Variants in TMUB1 observed in about 807,000 individuals in gnomAD.
The protein encoded by TMUB1 is transmembrane and ubiquitin-like domain-containing protein 1.
A neutral mutation model predicts 16.2 loss-of-function variants in TMUB1; 9 were observed. That is an observed-to-expected ratio of 0.55 (90% confidence interval 0.33 to 0.97). TMUB1 has a LOEUF of 0.97. TMUB1 is among the 50% of genes least tolerant of loss of function. TMUB1 has a pLI of 0.03. For missense variants in TMUB1, 309 were observed against 313.5 expected, an observed-to-expected ratio of 0.99 and a Z score of 0.11; for synonymous variants, 155 against 152.2, an observed-to-expected ratio of 1.02 and a Z score of -0.13.
rs9097 is a variant in TMUB1 at position 151,081,337 on chromosome 7, G to T, written c.*212C>A. ...AGCCCACTCCCAGTGCGGGCTGAGGGTCAGCAGCCCCGGGAGGTGGCCCCG... is the reference window on the plus strand; with the variant it reads ...AGCCCACTCCCAGTGCGGGCTGAGGTTCAGCAGCCCCGGGAGGTGGCCCCG... On this transcript the variant is annotated 3_prime_UTR_variant, in exon 3 of 3. Transcript: ENST00000297533. The surrounding 1 kb of genome is among the most constrained non-coding windows in gnomAD (Gnocchi z 7.6). 0.49 allele frequency: 429,959 copies of T among 870,564 alleles called. 107,794 individuals carry two copies. Among genetic ancestry groups the T allele is most frequent in the African/African-American group, 0.66 (36,883 of 56,062 alleles). 53.9% of individuals were successfully genotyped at this position (870,564 alleles called of 1,614,324 possible).
chr7:151,082,859 A>C lies in TMUB1; in HGVS notation c.-30-266T>G. On this transcript the variant is annotated intron_variant, in intron 1 of 2. Coordinates refer to ENST00000297533, the MANE Select transcript of TMUB1 (RefSeq NM_001136044.2). The surrounding 1 kb of genome is among the most constrained non-coding windows in gnomAD (Gnocchi z 7.0). ...CCAGCTCCCAACTCACCCAAACCCTATCCCAAGGTAAGGGCCTAAGCAACG... is the reference window on the plus strand; with the variant it reads ...CCAGCTCCCAACTCACCCAAACCCTCTCCCAAGGTAAGGGCCTAAGCAACG... 4 of 333,506 alleles carry C rather than the reference A, an allele frequency of 1.2e-5. No individual in the cohort carries two copies. The highest frequency in any genetic ancestry group is 2.1e-5 in the African/African-American group (1 of 47,248). 20.7% of individuals were successfully genotyped at this position (333,506 alleles called of 1,614,324 possible). A position where few individuals can be genotyped will look rare whatever the true frequency, so the allele number is the denominator to read the frequency against.
chr7:151,082,301 C>A lies in TMUB1; in HGVS notation c.263G>T (p.Gly88Val). The A allele has an allele frequency of 1.3e-6, 2 of 1,598,674 alleles. No homozygotes were observed. The highest frequency in any genetic ancestry group is 1.1e-5 in the South Asian group (1 of 89,550). ...CGGGGCTGGCGGTGTTGCTGTGAAC[C>A]CCGTGCTGGGCTCTGGCTGTGCAGC... Reference protein sequence around the residue: ...GQAAQPEPSTGFTATPPAPDS... With the variant: ...GQAAQPEPSTVFTATPPAPDS... Residue 88 changes from glycine (G) to valine (V), a missense_variant, in exon 2 of 3, where the codon GGG (glycine) becomes GTG (valine). Transcript: ENST00000297533. This position sits in a 1 kb window ranked among gnomAD's most constrained non-coding sequence, Gnocchi z 7.0.
chr7:151,081,767 C>T lies in TMUB1; in HGVS notation c.523G>A (p.Val175Ile). The change falls in exon 3 of 3, where the codon GTC becomes ATC. Residue 175 changes from valine (V) to isoleucine (I), a missense_variant. Physicochemically the swap from Val to Ile is conservative, Grantham distance 29. Coordinates refer to ENST00000297533, the MANE Select transcript of TMUB1 (RefSeq NM_001136044.2). The surrounding 1 kb of genome is among the most constrained non-coding windows in gnomAD (Gnocchi z 7.6). Reference sequence around the variant, plus strand: ...GGGCAGGGGGGATTTGGGGGACCGACTCTCGTGGACACGTGGCAGTGGAGA... The same window carrying T: ...GGGCAGGGGGGATTTGGGGGACCGATTCTCGTGGACACGTGGCAGTGGAGA... The part of the protein sequence containing the change: ...CVLHCHVSTR[V>I]GPPNPPCPPG... 2 of 1,594,688 alleles carry T rather than the reference C, an allele frequency of 1.3e-6. No individual in the cohort carries two copies. The highest frequency in any genetic ancestry group is 1.7e-6 in the Non-Finnish European group (2 of 1,171,924).
At position 151,082,164 on chromosome 7, in the gene TMUB1, G is replaced by A. The variant is rs752785697; in HGVS notation, c.389+11C>T. 6.7e-7 allele frequency: 1 copy of A among 1,502,332 alleles called. No individual in the cohort carries two copies. The highest frequency in any genetic ancestry group is 8.9e-7 in the Non-Finnish European group (1 of 1,124,886). The allele number at this position is 1,502,332 out of a possible 1,614,324, so 93.1% of individuals were successfully genotyped here. Reference sequence around the variant, plus strand: ...GTCTTTAGCATTGCTCCTGCCTCTTGACCTACTTACCTTTTCAAGGAGCCA... The same window carrying A: ...GTCTTTAGCATTGCTCCTGCCTCTTAACCTACTTACCTTTTCAAGGAGCCA... On this transcript the variant is annotated intron_variant, in intron 2 of 2. Coordinates refer to ENST00000297533, the MANE Select transcript of TMUB1 (RefSeq NM_001136044.2). The surrounding 1 kb of genome is among the most constrained non-coding windows in gnomAD (Gnocchi z 7.0).
chr7:151,081,544 A>G lies in TMUB1; in HGVS notation c.*5T>C. On this transcript the variant is annotated 3_prime_UTR_variant, in exon 3 of 3. Transcript: ENST00000297533. The surrounding 1 kb of genome is among the most constrained non-coding windows in gnomAD (Gnocchi z 7.6). ...CGGCGACGCTGCCAAGCGCCCGCGG[A>G]GGCACTACGGGCGGTACATGGCAAA... The G allele has an allele frequency of 6.4e-7, 1 of 1,570,362 alleles. No individual in the cohort carries two copies. Among genetic ancestry groups the G allele is most frequent in the East Asian group, 2.3e-5 (1 of 43,406 alleles).
Position 151,082,685 on chromosome 7 carries a change from C to T in TMUB1, c.-30-92G>A. The T allele has an allele frequency of 2.8e-6, 3 of 1,061,596 alleles. No individual in the cohort carries two copies. The highest frequency in any genetic ancestry group is 1.2e-6 in the Non-Finnish European group (1 of 807,640). 65.8% of individuals were successfully genotyped at this position (1,061,596 alleles called of 1,614,324 possible). On this transcript the variant is annotated intron_variant, in intron 1 of 2. Coordinates refer to ENST00000297533, the MANE Select transcript of TMUB1 (RefSeq NM_001136044.2). The surrounding 1 kb of genome is among the most constrained non-coding windows in gnomAD (Gnocchi z 7.0). ...GTCCTGCCCTCACCCCACCGCGACG[C>T]TCCCACCGTCCTCAGCCTCCGTCCC...
chr7:151,081,342 CAGCCCCGGGAGGTGGCCCCG>C lies in TMUB1; in HGVS notation c.*187_*206del. On this transcript the variant is annotated 3_prime_UTR_variant, in exon 3 of 3. Coordinates refer to ENST00000297533, the MANE Select transcript of TMUB1 (RefSeq NM_001136044.2). This position sits in a 1 kb window ranked among gnomAD's most constrained non-coding sequence, Gnocchi z 7.6. Reference sequence around the variant, plus strand: ...ACTCCCAGTGCGGGCTGAGGGTCAGCAGCCCCGGGAGGTGGCCCCGAGCCCCGGCGGTCGCAGGGCGGGGC... The same window carrying C: ...ACTCCCAGTGCGGGCTGAGGGTCAGCAGCCCCGGCGGTCGCAGGGCGGGGC... The C allele has an allele frequency of 1.1e-6, 1 of 922,302 alleles. No homozygotes were observed. The highest frequency in any genetic ancestry group is 1.4e-6 in the Non-Finnish European group (1 of 720,522). The allele number at this position is 922,302 out of a possible 1,614,324, so 57.1% of individuals were successfully genotyped here.
In TMUB1 at chr7:151,081,873, C is replaced by T; in HGVS notation, c.417G>A (p.Gln139=). The change falls in exon 3 of 3, where the codon CAG becomes CAA. Residue 139 remains glutamine, a synonymous_variant. Transcript: ENST00000297533. This position sits in a 1 kb window ranked among gnomAD's most constrained non-coding sequence, Gnocchi z 7.6. Reference sequence around the variant, plus strand: ...GCTGCCCTTGGTAGATGAGTCGCACCTGCTGTTCCCGGCCGGGAAACTGGG... The same window carrying T: ...GCTGCCCTTGGTAGATGAGTCGCACTTGCTGTTCCCGGCCGGGAAACTGGG... ...KRTQFPGREQ[Q]VRLIYQGQLL... is the part of the protein sequence containing the mutation. 1 of 1,491,946 alleles carries T rather than the reference C, an allele frequency of 6.7e-7. No individual in the cohort carries two copies. The highest frequency in any genetic ancestry group is 8.9e-7 in the Non-Finnish European group (1 of 1,120,804). The allele number at this position is 1,491,946 out of a possible 1,614,324, so 92.4% of individuals were successfully genotyped here.
In TMUB1 at chr7:151,081,677, G is replaced by C; in HGVS notation, c.613C>G (p.Leu205Val). 3.8e-6 allele frequency: 6 copies of C among 1,589,716 alleles called. No individual in the cohort carries two copies. Among genetic ancestry groups the C allele is most frequent in the Non-Finnish European group, 4.3e-6 (5 of 1,168,430 alleles). The change falls in exon 3 of 3, where the codon CTG becomes GTG. Residue 205 changes from leucine (L) to valine (V), a missense_variant. By Grantham distance (32) the Leu-to-Val change is conservative. Transcript: ENST00000297533. The surrounding 1 kb of genome is among the most constrained non-coding windows in gnomAD (Gnocchi z 7.6). ...CAGTACCAGAGCAGCAGCAACAGCAGGAGCAGCAGGGGCAGCAGCAGGCTG... is the reference window on the plus strand; with the variant it reads ...CAGTACCAGAGCAGCAGCAACAGCACGAGCAGCAGGGGCAGCAGCAGGCTG... ...IGSLLLPLLL[L>V]LLLLLWYCQI...
Position 151,082,754 on chromosome 7 carries a change from C to T in TMUB1, c.-30-161G>A. 1 of 491,748 alleles carries T rather than the reference C, an allele frequency of 2.0e-6. No individual in the cohort carries two copies. The highest frequency in any genetic ancestry group is 3.3e-6 in the Non-Finnish European group (1 of 306,644). 30.5% of individuals were successfully genotyped at this position (491,748 alleles called of 1,614,324 possible). ...CCGGCTTCTCTGCCTCCCAGTCGCC[C>T]CAAACTTGCCTCCGGGTGCCCCTTC... On this transcript the variant is annotated intron_variant, in intron 1 of 2. Coordinates refer to ENST00000297533, the MANE Select transcript of TMUB1 (RefSeq NM_001136044.2). This position sits in a 1 kb window ranked among gnomAD's most constrained non-coding sequence, Gnocchi z 7.0.
In TMUB1 at chr7:151,081,950, T is replaced by A; in HGVS notation, c.390-50A>T. Reference sequence around the variant, plus strand: ...GAGAGCAGGCCTCAGGCAATCCTAGTCCCTGGCCCCGGAACAGCACTCCCA... The same window carrying A: ...GAGAGCAGGCCTCAGGCAATCCTAGACCCTGGCCCCGGAACAGCACTCCCA... On this transcript the variant is annotated intron_variant, in intron 2 of 2. Coordinates refer to ENST00000297533, the MANE Select transcript of TMUB1 (RefSeq NM_001136044.2). This position sits in a 1 kb window ranked among gnomAD's most constrained non-coding sequence, Gnocchi z 7.6. The A allele has an allele frequency of 6.9e-7, 1 of 1,447,914 alleles. No individual in the cohort carries two copies. 89.7% of individuals were successfully genotyped at this position (1,447,914 alleles called of 1,614,324 possible).
In TMUB1 at chr7:151,081,908, G is replaced by C; in HGVS notation, c.390-8C>G. The C allele has an allele frequency of 6.8e-7, 1 of 1,474,468 alleles. No individual in the cohort carries two copies. The highest frequency in any genetic ancestry group is 9.0e-7 in the Non-Finnish European group (1 of 1,114,598). The allele number at this position is 1,474,468 out of a possible 1,614,324, so 91.3% of individuals were successfully genotyped here. A position where few individuals can be genotyped will look rare whatever the true frequency, so the allele number is the denominator to read the frequency against. ...CGGCCGGGAAACTGGGTCCTGAGGA[G>C]AGAGGGACCTGGGTAAGAGAGCAGG... On this transcript the variant is annotated splice_polypyrimidine_tract_variant and splice_region_variant and intron_variant, in intron 2 of 2. Transcript: ENST00000297533. This position sits in a 1 kb window ranked among gnomAD's most constrained non-coding sequence, Gnocchi z 7.6.
At position 151,081,361 on chromosome 7, in the gene TMUB1, C is replaced by G; in HGVS notation, c.*188G>C. 1.8e-6 allele frequency: 2 copies of G among 1,103,434 alleles called. No individual in the cohort carries two copies. Among genetic ancestry groups the G allele is most frequent in the Non-Finnish European group, 2.3e-6 (2 of 880,012 alleles). The allele number at this position is 1,103,434 out of a possible 1,614,324, so 68.4% of individuals were successfully genotyped here. A position where few individuals can be genotyped will look rare whatever the true frequency, so the allele number is the denominator to read the frequency against. On this transcript the variant is annotated 3_prime_UTR_variant, in exon 3 of 3. Coordinates refer to ENST00000297533, the MANE Select transcript of TMUB1 (RefSeq NM_001136044.2). The surrounding 1 kb of genome is among the most constrained non-coding windows in gnomAD (Gnocchi z 7.6). ...GGTCAGCAGCCCCGGGAGGTGGCCC[C>G]GAGCCCCGGCGGTCGCAGGGCGGGG...
rs1797979840 is a variant in TMUB1, at chr7:151,081,379, G to A, written c.*170C>T. 3 of 1,188,180 alleles carry A rather than the reference G, an allele frequency of 2.5e-6. No homozygotes were observed. Among genetic ancestry groups the A allele is most frequent in the Non-Finnish European group, 3.2e-6 (3 of 951,104 alleles). 73.6% of individuals were successfully genotyped at this position (1,188,180 alleles called of 1,614,324 possible). A position where few individuals can be genotyped will look rare whatever the true frequency, so the allele number is the denominator to read the frequency against. ...GTGGCCCCGAGCCCCGGCGGTCGCA[G>A]GGCGGGGCCTCCGCCAGTCCCGGGA... On this transcript the variant is annotated 3_prime_UTR_variant, in exon 3 of 3. Coordinates refer to ENST00000297533, the MANE Select transcript of TMUB1 (RefSeq NM_001136044.2). This position sits in a 1 kb window ranked among gnomAD's most constrained non-coding sequence, Gnocchi z 7.6.
chr7:151,082,626 G>A lies in TMUB1; in HGVS notation c.-30-33C>T. 3 of 1,440,562 alleles carry A rather than the reference G, an allele frequency of 2.1e-6. 1 individual carries two copies. Among genetic ancestry groups the A allele is most frequent in the East Asian group, 5.3e-5 (2 of 37,832 alleles). The allele number at this position is 1,440,562 out of a possible 1,614,324, so 89.2% of individuals were successfully genotyped here. A position where few individuals can be genotyped will look rare whatever the true frequency, so the allele number is the denominator to read the frequency against. ...GGCACAAAGAGCCCGTGAGGCCCGG[G>A]CCCCCTGGCCAGGAGCCCTGGAACC... On this transcript the variant is annotated intron_variant, in intron 1 of 2. Transcript: ENST00000297533. The surrounding 1 kb of genome is among the most constrained non-coding windows in gnomAD (Gnocchi z 7.0).
Position 151,082,238 on chromosome 7 carries a change from A to T in TMUB1, c.326T>A (p.Phe109Tyr), listed in dbSNP as rs1008503443. Residue 109 changes from phenylalanine (F) to tyrosine (Y), a missense_variant, in exon 2 of 3, where the codon TTC (phenylalanine) becomes TAC (tyrosine). Phe to Tyr is a conservative substitution (Grantham distance 22). Transcript: ENST00000297533. This position sits in a 1 kb window ranked among gnomAD's most constrained non-coding sequence, Gnocchi z 7.0. ...PQEPLVLRLK[F>Y]LNDSEQVARA... ...GGCCACCTGCTCTGAATCATTGAGG[A>T]ATTTCAGCCGTAGCACGAGGGGCTC... 1.9e-6 allele frequency: 3 copies of T among 1,549,214 alleles called. No individual in the cohort carries two copies. Among genetic ancestry groups the T allele is most frequent in the Non-Finnish European group, 2.6e-6 (3 of 1,147,488 alleles).
chr7:151,082,650 C>G lies in TMUB1; in HGVS notation c.-30-57G>C, dbSNP rs1229860148. ...GGCCCCCTGGCCAGGAGCCCTGGAACCTCCACAGGGTCCTGCCCTCACCCC... is the reference window on the plus strand; with the variant it reads ...GGCCCCCTGGCCAGGAGCCCTGGAAGCTCCACAGGGTCCTGCCCTCACCCC... On this transcript the variant is annotated intron_variant, in intron 1 of 2. Transcript: ENST00000297533. This position sits in a 1 kb window ranked among gnomAD's most constrained non-coding sequence, Gnocchi z 7.0. 4 of 1,391,332 alleles carry G rather than the reference C, an allele frequency of 2.9e-6. No homozygotes were observed. Among genetic ancestry groups the G allele is most frequent in the Non-Finnish European group, 3.8e-6 (4 of 1,057,556 alleles). 86.2% of individuals were successfully genotyped at this position (1,391,332 alleles called of 1,614,324 possible). A position where few individuals can be genotyped will look rare whatever the true frequency, so the allele number is the denominator to read the frequency against.
rs368011829 is a variant in TMUB1, at chr7:151,081,742, G to T, written c.548C>A (p.Pro183Gln). 20 of 1,590,206 alleles carry T rather than the reference G, an allele frequency of 1.3e-5. No individual in the cohort carries two copies. The highest frequency in any genetic ancestry group is 1.7e-5 in the Non-Finnish European group (20 of 1,169,962). The stretch of plus-strand genomic sequence containing the variant: ...GGAGGGGCCGGGCTCGGACCCCGGC[G>T]GGCAGGGGGGATTTGGGGGACCGAC... ...TRVGPPNPPC[P>Q]PGSEPGPSGL... Residue 183 changes from proline (P) to glutamine (Q), a missense_variant, in exon 3 of 3, where the codon CCG (proline) becomes CAG (glutamine). Coordinates refer to ENST00000297533, the MANE Select transcript of TMUB1 (RefSeq NM_001136044.2). The surrounding 1 kb of genome is among the most constrained non-coding windows in gnomAD (Gnocchi z 7.6).
At position 151,082,928 on chromosome 7, in the gene TMUB1, A is replaced by G. The variant is rs1381268656; in HGVS notation, c.-30-335T>C. On this transcript the variant is annotated intron_variant, in intron 1 of 2. Coordinates refer to ENST00000297533, the MANE Select transcript of TMUB1 (RefSeq NM_001136044.2). The surrounding 1 kb of genome is among the most constrained non-coding windows in gnomAD (Gnocchi z 7.0). ...CCAACCAAACTTCACCCCCAAGCGT[A>G]TCTATTCTCCTGCCCACTTCACCCC... 2 of 219,242 alleles carry G rather than the reference A, an allele frequency of 9.1e-6. No individual in the cohort carries two copies. The highest frequency in any genetic ancestry group is 1.8e-5 in the Non-Finnish European group (2 of 112,322). 13.6% of individuals were successfully genotyped at this position (219,242 alleles called of 1,614,324 possible). A position where few individuals can be genotyped will look rare whatever the true frequency, so the allele number is the denominator to read the frequency against.
Sources: gnomAD v4.1 joint callset for allele counts on GRCh38, gnomAD v4.1.1 for gene constraint, Gnocchi (gnomAD v3.1) non-coding constraint, MANE v1.5 for transcripts, NCBI Gene and HGNC (gene_info 2026-07-23, HGNC 2026-07-21) for gene names.